Variants in NBEA observed in about 807,000 individuals in gnomAD.
NBEA encodes the protein lysosomal-trafficking regulator 2.
NBEA carries 44 observed loss-of-function variants against 343.4 expected under a neutral mutation model. That is an observed-to-expected ratio of 0.13 (90% CI 0.10 to 0.16). NBEA has a LOEUF of 0.16. NBEA is among the 10% of genes least tolerant of loss of function. The pLI, the probability that NBEA is intolerant of heterozygous loss-of-function variation, is 1.00. For missense variants in NBEA, 2,555 were observed against 3,631.3 expected (o/e 0.70, Z 7.62); for synonymous variants, 1,175 against 1,238.7 (o/e 0.95, Z 1.08).
At chr13:35,413,320 C>G (rs545677162) in intron 38 of NBEA, among the ~76,000 whole-genome samples, 1 of 152,266 alleles carries the variant, frequency 6.6e-6, no homozygotes, top group African/African-American at 2.4e-5. Context: ...CCACTTAACT[C>G]TTGTAGCCAA....
At chr13:35,475,122 G>T in intron 41 of NBEA, 9 of 1,614,042 alleles carry the variant, frequency 5.6e-6, no homozygotes, top group Non-Finnish European at 6.8e-6. Context: ...ACGTTTGTTT[G>T]GCAGCGTTTT....
chr13:35,644,409 C>T (rs1313702661), intron 49 of NBEA, among the ~76,000 whole-genome samples: 1 of 151,896 alleles, frequency 6.6e-6, no homozygotes, highest in Non-Finnish European at 1.5e-5. Flanking sequence ...ATAACATTTT[C>T]TAGTACAATG....
At chr13:35,544,756 A>AGTTC (rs1328436398) in intron 41 of NBEA, among the ~76,000 whole-genome samples, 1 of 152,198 alleles carries the variant, frequency 6.6e-6, no homozygotes, top group African/African-American at 2.4e-5. Flanking sequence ...AGCTCAGTAT[A>AGTTC]GTTCAGTGGT....
At chr13:34,967,802 A>C (rs1433779829) in intron 1 of NBEA, among the ~76,000 whole-genome samples, 2 of 152,076 alleles carry the variant, frequency 1.3e-5, no homozygotes, top group Non-Finnish European at 1.5e-5. Context: ...ATTCTCTGGC[A>C]CTAATTAAGT....
At position 34,944,923 on chromosome 13, in the gene NBEA, T is replaced by A. The variant is rs565175152; in HGVS notation, c.294+1809T>A. ...AGTTTGGACTCTGCAGCAGTAGCAA[T>A]GTGTGCTGAATCAGTTCTTAACAGA... On this transcript the variant is annotated intron_variant, in intron 1 of 58. Coordinates refer to ENST00000379939, the MANE Select transcript of NBEA (RefSeq NM_001385012.1). Among the ~76,000 whole-genome samples the A allele has an allele frequency of 2.6e-5, 4 of 152,258 alleles. No homozygotes were observed. The South Asian group carries it at 8.3e-4, about 32-fold the overall frequency.
At chr13:35,665,274 A>C in intron 56 of NBEA, 88 bp downstream of exon 56, 1 of 1,088,650 alleles carries the variant, frequency 9.2e-7, no homozygotes, top group Non-Finnish European at 1.4e-6. Flanking sequence ...TCTTCCAGGA[A>C]GCTTCCCATA....
chr13:35,538,326 G>A (rs764954736), intron 41 of NBEA, among the ~76,000 whole-genome samples: 8 of 152,184 alleles, frequency 5.3e-5, no homozygotes, highest in African/African-American at 7.2e-5. Context: ...CAAAGTTTGT[G>A]CATTGAACTA....
chr13:35,348,959 A>G (rs2040030363), intron 36 of NBEA, 149 bp from the exon 37 acceptor site: 1 of 372,934 alleles, frequency 2.7e-6, no homozygotes, highest in African/African-American at 2.1e-5. Flanking sequence ...TTCACATTTT[A>G]CTGAATCATA....
intron 1 of NBEA, among the ~76,000 whole-genome samples, chr13:34,992,238 GTATATA>G (rs60959090): frequency 2.8e-4 from 34 of 122,134 alleles, no homozygotes; most frequent in South Asian, 2.1e-3. Flanking sequence ...GTGTGTGTGT[GTATATA>G]TATATATATA....
At chr13:35,663,426 G>A (rs2085199319) in intron 55 of NBEA, among the ~76,000 whole-genome samples, 1 of 152,104 alleles carries the variant, frequency 6.6e-6, no homozygotes, top group Non-Finnish European at 1.5e-5. Flanking sequence ...TTCCATCTAT[G>A]TTGTTGCAAA....
At chr13:35,470,771 C>T (rs1409718622) in intron 40 of NBEA, among the ~76,000 whole-genome samples, 1 of 152,234 alleles carries the variant, frequency 6.6e-6, no homozygotes, top group Non-Finnish European at 1.5e-5. Flanking sequence ...GAGGCGCCGC[C>T]AAGCGCGCGC....
rs1431964613 is a variant in NBEA, at chr13:35,593,404, C to G, written c.7253C>G (p.Ala2418Gly). ...CCAGATCGAACCTTCTCATCCGTTG[C>G]AAGGTCTTGGAGAACTAGTCAGAGA... ...DHPDRTFSSV[A>G]RSWRTSQRDT... is the part of the protein sequence containing the mutation. The change falls in exon 47 of 59, where the codon GCA becomes GGA. Residue 2418 changes from alanine (A) to glycine (G), a missense_variant. Ala to Gly is a moderately conservative substitution (Grantham distance 60). Transcript: ENST00000379939. 1 of 1,611,986 alleles carries G rather than the reference C, an allele frequency of 6.2e-7. No homozygotes were observed. Among genetic ancestry groups the G allele is most frequent in the Admixed American group, 1.7e-5 (1 of 59,934 alleles).
At chr13:35,050,484 G>C in intron 6 of NBEA, 89 bp downstream of exon 6, 1 of 1,303,322 alleles carries the variant, frequency 7.7e-7, no homozygotes, top group South Asian at 1.6e-5. Flanking sequence ...TCTCTTTCAC[G>C]GGTTTTCCTA....
intron 18 of NBEA, among the ~76,000 whole-genome samples, chr13:35,143,853 A>C (rs1278620519): frequency 6.6e-6 from 1 of 150,412 alleles, no homozygotes; most frequent in Non-Finnish European, 1.5e-5. Flanking sequence ...GCGCCACTGC[A>C]CTCCAGCCTG....
chr13:35,593,376 C>T lies in NBEA; in HGVS notation c.7225C>T (p.His2409Tyr). The T allele has an allele frequency of 6.2e-6, 10 of 1,612,414 alleles. No individual in the cohort carries two copies. The highest frequency in any genetic ancestry group is 8.5e-6 in the Non-Finnish European group (10 of 1,178,740). Reference protein sequence around the residue: ...FLNANDGKFDHPDRTFSSVAR... With the variant: ...FLNANDGKFDYPDRTFSSVAR... ...CAATGCAAATGATGGAAAATTTGAT[C>T]ATCCAGATCGAACCTTCTCATCCGT... is the stretch of plus-strand genomic sequence containing the variant. Residue 2409 changes from histidine to tyrosine, a missense_variant, in exon 47 of 59, where the codon CAT (histidine) becomes TAT (tyrosine). His to Tyr is a moderately conservative substitution (Grantham distance 83). Transcript: ENST00000379939.
intron 45 of NBEA, among the ~76,000 whole-genome samples, chr13:35,570,236 A>G (rs2080338805): frequency 6.6e-6 from 1 of 152,078 alleles, no homozygotes; most frequent in East Asian, 1.9e-4. Context: ...GGGTTTCACT[A>G]TGTTGGCCAG....
chr13:34,948,111 G>GA (rs2059243451), intron 1 of NBEA, among the ~76,000 whole-genome samples: 1 of 152,208 alleles, frequency 6.6e-6, no homozygotes, highest in Admixed American at 6.5e-5. Context: ...ATATTGCCAA[G>GA]AATAGTGGAC....
chr13:35,298,561 G>A (rs1003058568), intron 35 of NBEA, among the ~76,000 whole-genome samples: 5 of 151,746 alleles, frequency 3.3e-5, no homozygotes, highest in Non-Finnish European at 7.4e-5. Context: ...TAATAAACAT[G>A]AGTGTTGTAT....
chr13:35,647,845 G>A (rs943487303), intron 51 of NBEA, among the ~76,000 whole-genome samples: 3 of 152,062 alleles, frequency 2.0e-5, no homozygotes, highest in Non-Finnish European at 2.9e-5. Context: ...GATTACAGGT[G>A]TGAGTCACCA....
Sources: gnomAD v4.1 joint callset for allele counts (sites outside exome capture counted in the v4.1 genomes callset) on GRCh38, gnomAD v4.1.1 for gene constraint, MANE v1.5 for transcripts, NCBI Gene and HGNC (gene_info 2026-07-23, HGNC 2026-07-21) for gene names.